Variants in SLC1A3 observed in about 807,000 individuals in gnomAD.
SLC1A3 encodes the protein excitatory amino acid transporter 1.
A neutral mutation model predicts 48.1 loss-of-function variants in SLC1A3; 21 were observed. The ratio of observed to expected loss-of-function variants is 0.44; its 90% CI spans 0.31 to 0.63. SLC1A3 has a LOEUF of 0.63. Among genes scored for constraint, SLC1A3 ranks in the 20% least tolerant of loss-of-function variants. SLC1A3 has a pLI of 0.08. For synonymous variants in SLC1A3, 239 were observed against 251.4 expected (o/e 0.95, Z 0.47); for missense variants, 546 against 689.0 (o/e 0.79, Z 2.32).
At chr5:36,639,683 A>T (rs1289013337) in intron 3 of SLC1A3, among the ~76,000 whole-genome samples, 2 of 152,146 alleles carry the variant, frequency 1.3e-5, no homozygotes, top group African/African-American at 4.8e-5. Flanking sequence ...GTTTTCTCCT[A>T]CTCCTTCAGA....
At chr5:36,657,638 G>C (rs948141322) in intron 3 of SLC1A3, among the ~76,000 whole-genome samples, 11 of 152,202 alleles carry the variant, frequency 7.2e-5, no homozygotes, top group Non-Finnish European at 2.9e-5. Context: ...GATTCATAAT[G>C]ATTTCAATAG....
At chr5:36,623,060 A>G (rs1445424517) in intron 2 of SLC1A3, among the ~76,000 whole-genome samples, 1 of 152,070 alleles carries the variant, frequency 6.6e-6, no homozygotes, top group East Asian at 1.9e-4. Flanking sequence ...TAGGAAAACA[A>G]GGAACCTCTG....
At chr5:36,640,983 A>G (rs1230099099) in intron 3 of SLC1A3, among the ~76,000 whole-genome samples, 2 of 152,016 alleles carry the variant, frequency 1.3e-5, no homozygotes, top group Admixed American at 1.3e-4. Flanking sequence ...CCCAACACAC[A>G]CACACATACA....
Position 36,629,530 on chromosome 5 carries a change from C to G in SLC1A3, c.262C>G (p.Leu88Val), listed in dbSNP as rs1157944145. 14 of 1,611,296 alleles carry G rather than the reference C, an allele frequency of 8.7e-6. No individual in the cohort carries two copies. The highest frequency in any genetic ancestry group is 1.2e-5 in the Non-Finnish European group (14 of 1,179,042). ...GTACTTCTCCTTTCCTGGGGAACTTCTGATGAGGATGTTACAGATGCTGGT... is the reference window on the plus strand; with the variant it reads ...GTACTTCTCCTTTCCTGGGGAACTTGTGATGAGGATGTTACAGATGCTGGT... ...VKYFSFPGEL[L>V]MRMLQMLVLP... is the part of the protein sequence containing the mutation. Residue 88 changes from leucine to valine, a missense_variant, in exon 3 of 10, where the codon CTG becomes GTG. Physicochemically the swap from Leu to Val is conservative, Grantham distance 32 (BLOSUM62 1). Around this residue, in one of 3 missense-constraint regions of SLC1A3, gnomAD observed 348 missense variants for 392.0 expected, o/e 0.89. Transcript: ENST00000265113.
chr5:36,685,998 A>C, intron 9 of SLC1A3, 67 bp from the exon 10 acceptor site: 1 of 1,302,896 alleles, frequency 7.7e-7, no homozygotes, highest in Admixed American at 1.7e-5. Flanking sequence ...CCAGTTCCTA[A>C]CGTAAGTTGA....
At chr5:36,610,619 T>G (rs930201362) in intron 2 of SLC1A3, among the ~76,000 whole-genome samples, 1 of 152,112 alleles carries the variant, frequency 6.6e-6, no homozygotes, top group South Asian at 2.1e-4. Context: ...CCTAAGTCAT[T>G]AGTACAAAGC....
chr5:36,672,900 T>C (rs931513183), intron 4 of SLC1A3, among the ~76,000 whole-genome samples: 4 of 152,218 alleles, frequency 2.6e-5, no homozygotes, highest in Non-Finnish European at 5.9e-5. Context: ...TAGTTTAGAT[T>C]AGAAGTATTT....
chr5:36,642,447 A>G (rs1489224013), intron 3 of SLC1A3, among the ~76,000 whole-genome samples: 1 of 152,236 alleles, frequency 6.6e-6, no homozygotes, highest in Middle Eastern at 3.2e-3. Flanking sequence ...TTATTTTACA[A>G]TAGAAAAAGA....
chr5:36,670,116 G>A (rs977456582), intron 3 of SLC1A3, among the ~76,000 whole-genome samples: 4 of 152,080 alleles, frequency 2.6e-5, no homozygotes, highest in Admixed American at 6.5e-5. Context: ...AGAGTTTTTT[G>A]TCTTTTCCAA....
At chr5:36,619,217 G>A (rs888285330) in intron 2 of SLC1A3, among the ~76,000 whole-genome samples, 1 of 152,202 alleles carries the variant, frequency 6.6e-6, no homozygotes, top group Non-Finnish European at 1.5e-5. Context: ...AGGGTTAAGA[G>A]GTTGCCTCCA....
chr5:36,663,187 T>C (rs1312380802), intron 3 of SLC1A3, among the ~76,000 whole-genome samples: 5 of 152,056 alleles, frequency 3.3e-5, no homozygotes, highest in Admixed American at 6.5e-5. Context: ...TCTCTTTTGC[T>C]TTTCTACACT....
chr5:36,642,710 C>T (rs537494418), intron 3 of SLC1A3, among the ~76,000 whole-genome samples: 1 of 152,026 alleles, frequency 6.6e-6, no homozygotes, highest in African/African-American at 2.4e-5. Flanking sequence ...TGGCCATCAC[C>T]CCCCGATTCC....
chr5:36,648,951 G>A (rs745428), intron 3 of SLC1A3, among the ~76,000 whole-genome samples: 17,943 of 152,172 alleles, frequency 0.12, 1,236 homozygotes, highest in South Asian at 0.18. Flanking sequence ...ATTCCCGACT[G>A]TACAGTGCTA....
At chr5:36,605,403 T>C (rs924851498), upstream of SLC1A3, among the ~76,000 whole-genome samples, 1 of 152,214 alleles carries the variant, frequency 6.6e-6, no homozygotes, top group Non-Finnish European at 1.5e-5. Context: ...TGCTGCTGAT[T>C]TGTAATTTTA....
chr5:36,677,335 C>A, intron 6 of SLC1A3, 151 bp downstream of exon 6: 1 of 668,068 alleles, frequency 1.5e-6, no homozygotes. Flanking sequence ...ATCTCTGGGC[C>A]TCTAGAGGCC....
chr5:36,666,600 C>G (rs1461344274), intron 3 of SLC1A3: 1 of 152,194 alleles, frequency 6.6e-6, no homozygotes, highest in African/African-American at 2.4e-5. Flanking sequence ...GGGGAGTACA[C>G]TGATACATGT....
rs1284541047 is a variant in SLC1A3, at chr5:36,651,133, GTT to G, written c.320-19889_320-19888del. Among the ~76,000 whole-genome samples the G allele has an allele frequency of 6.0e-3, 538 of 89,696 alleles. 5 individuals carry two copies. The highest frequency in any genetic ancestry group is 0.026 in the African/African-American group (516 of 20,032). The allele number at this position is 89,696 out of a possible 152,430, so 58.8% of individuals were successfully genotyped here. On this transcript the variant is annotated intron_variant, in intron 3 of 9. Coordinates refer to ENST00000265113, the MANE Select transcript of SLC1A3 (RefSeq NM_004172.5). Reference sequence around the variant, plus strand: ...TGATATATAAGAGTAGGGAAACTAAGTTTTTTTTAAAAAAAAAAAAAAAAAAA... The same window carrying G: ...TGATATATAAGAGTAGGGAAACTAAGTTTTTTAAAAAAAAAAAAAAAAAAA...
At chr5:36,629,427 C>CTTTTTTTTTTTTTTTT in intron 2 of SLC1A3, 23 bp from the exon 3 acceptor site, 1 of 1,456,530 alleles carries the variant, frequency 6.9e-7, no homozygotes, top group South Asian at 1.2e-5. Context: ...TTTTCTTTTT[C>CTTTTTTTTTTTTTTTT]TTTTTTTTTT....
chr5:36,630,794 A>G (rs1740105418), intron 3 of SLC1A3, among the ~76,000 whole-genome samples: 1 of 152,178 alleles, frequency 6.6e-6, no homozygotes, highest in South Asian at 2.1e-4. Context: ...CCACTTGTCC[A>G]GGGCCTTAAA....
Sources: allele counts gnomAD v4.1 joint callset (sites outside exome capture counted in the v4.1 genomes callset), GRCh38; gene constraint gnomAD v4.1.1; regional missense constraint gnomAD v4.1.1; transcripts MANE v1.5; gene names NCBI Gene and HGNC (gene_info 2026-07-23, HGNC 2026-07-21).